Variants in DISC1 observed in about 807,000 individuals in gnomAD.
DISC1 encodes DISC1 scaffold protein.
In DISC1, 57 loss-of-function variants were observed where a neutral mutation model predicts 84.5. That is an observed-to-expected ratio of 0.67 (90% CI 0.55 to 0.84). The LOEUF is 0.84. Ranked by LOEUF, DISC1 falls within the 40% of genes least tolerant of loss-of-function variation. The pLI is 0.00. For missense variants in DISC1, 1,000 were observed against 1,057.8 expected (o/e 0.95, Z 0.76); for synonymous variants, 411 against 415.2 (o/e 0.99, Z 0.12).
chr1:231,883,660 C>T (rs2086456514), intron 9 of DISC1, among the ~76,000 whole-genome samples: 1 of 152,124 alleles, frequency 6.6e-6, no homozygotes, highest in Non-Finnish European at 1.5e-5. Flanking sequence ...GGTGAGGCCA[C>T]AGGCAGGGAG....
chr1:231,655,344 C>T (rs182133933), intron 1 of DISC1, among the ~76,000 whole-genome samples: 17 of 152,242 alleles, frequency 1.1e-4, no homozygotes, highest in African/African-American at 4.1e-4. Flanking sequence ...TGAGAAAGTA[C>T]AGTGTTTGGT....
At chr1:231,762,239 T>C (rs1228590442) in intron 4 of DISC1, among the ~76,000 whole-genome samples, 1,239 of 41,206 alleles carry the variant, frequency 0.03, 15 homozygotes, top group African/African-American at 0.09. Context: ...TTTTCTTTTC[T>C]TTTCTTTTCT....
At chr1:231,855,451 C>T in intron 9 of DISC1, 3 of 982,096 alleles carry the variant, frequency 3.1e-6, no homozygotes, top group Non-Finnish European at 3.6e-6. Context: ...ACTTAATTTC[C>T]ATTAAGACAA....
chr1:231,827,951 A>T (rs894128543), intron 9 of DISC1, among the ~76,000 whole-genome samples: 4 of 152,204 alleles, frequency 2.6e-5, no homozygotes, highest in Admixed American at 6.5e-5. Flanking sequence ...AAGCCTGCAT[A>T]GTCATAGAAT....
At chr1:231,961,371 T>C (rs115531727) in intron 10 of DISC1, among the ~76,000 whole-genome samples, 59 of 152,294 alleles carry the variant, frequency 3.9e-4, no homozygotes, top group South Asian at 1.0e-3. Flanking sequence ...TTTCTTTCCT[T>C]CTTTCTTTTT....
rs138228295 is a variant in DISC1, at chr1:231,694,598, C to T, written c.840C>T (p.Ala280=). 227 of 1,614,252 alleles carry T rather than the reference C, an allele frequency of 1.4e-4. No individual in the cohort carries two copies. The highest frequency in any genetic ancestry group is 1.7e-4 in the Non-Finnish European group (198 of 1,180,034). ...GGGTCTCTGCAGACTTGGCCCAGGC[C>T]GCAAGGAACAGCTCCAGGCCAGAGC... ...ATRVSADLAQ[A]ARNSSRPERD... is the part of the protein sequence containing the mutation. Residue 280 remains alanine, a synonymous_variant, in exon 2 of 13, where the codon GCC becomes GCT. Transcript: ENST00000439617.
chr1:231,789,108 C>G (rs2078117073), intron 6 of DISC1, among the ~76,000 whole-genome samples: 5 of 152,068 alleles, frequency 3.3e-5, no homozygotes, highest in Admixed American at 3.3e-4. Flanking sequence ...TGAACATGAC[C>G]TGGGGATTGG....
chr1:231,816,563 G>A (rs914688102), intron 8 of DISC1, among the ~76,000 whole-genome samples: 40 of 152,026 alleles, frequency 2.6e-4, no homozygotes, highest in African/African-American at 9.4e-4. Context: ...GTAGGCCTGT[G>A]ATCCACCTTT....
At chr1:231,964,678 C>T (rs538542455) in intron 10 of DISC1, among the ~76,000 whole-genome samples, 15 of 152,364 alleles carry the variant, frequency 9.8e-5, no homozygotes, top group Admixed American at 3.3e-4. Flanking sequence ...TGTTTTCAGA[C>T]ACTCTGTGGG....
chr1:231,721,027 T>C, intron 3 of DISC1: 1 of 1,290,912 alleles, frequency 7.7e-7, no homozygotes, highest in Non-Finnish European at 1.0e-6. Flanking sequence ...CAATGGAAAA[T>C]GGGCATGCCA....
chr1:231,714,535 G>T lies in DISC1; in HGVS notation c.1117+12511G>T, dbSNP rs537810243. ...ATATGATTCAGCAATTCTACTCACA[G>T]ATATGTATGAAACAGAGACAGAGAG... is the stretch of plus-strand genomic sequence containing the variant. On this transcript the variant is annotated intron_variant, in intron 3 of 12. Transcript: ENST00000439617. Among the ~76,000 whole-genome samples the T allele has an allele frequency of 6.6e-5, 10 of 152,072 alleles. No homozygotes were observed. The South Asian group carries it at 2.1e-3, about 32-fold the overall frequency.
At position 232,025,689 on chromosome 1, in the gene DISC1, T is replaced by C. The variant is rs374918233; in HGVS notation, c.2308-746T>C. 2.1e-3 allele frequency among the ~76,000 whole-genome samples: 320 copies of C among 151,034 alleles called. 2 individuals carry two copies. Among genetic ancestry groups the C allele is most frequent in the South Asian group, 5.0e-3 (24 of 4,766 alleles). ...TCGGCTCACTGCAAGCTCCGCCTCC[T>C]GGGTTCACGCCATTCTCCTGCCTCA... On this transcript the variant is annotated intron_variant, in intron 11 of 12. Coordinates refer to ENST00000439617, the MANE Select transcript of DISC1 (RefSeq NM_018662.3).
chr1:231,951,712 T>C (rs914206307), intron 9 of DISC1, among the ~76,000 whole-genome samples: 23 of 152,256 alleles, frequency 1.5e-4, no homozygotes, highest in African/African-American at 5.5e-4. Flanking sequence ...ACGGGCAGCG[T>C]GATATTCACC....
intron 4 of DISC1, among the ~76,000 whole-genome samples, chr1:231,762,181 CTTCTT>C (rs1558497654): frequency 3.2e-4 from 41 of 129,032 alleles, no homozygotes; most frequent in African/African-American, 1.1e-3. Context: ...CCCTTCCTTC[CTTCTT>C]TTCTTTCTTT....
At chr1:232,008,682 T>C in intron 10 of DISC1, 103 bp from the exon 11 acceptor site, 3 of 1,336,028 alleles carry the variant, frequency 2.2e-6, no homozygotes, top group Non-Finnish European at 3.0e-6. Context: ...TCATCAAGTA[T>C]AAGATGACCA....
rs1394843966 is a variant in DISC1, at chr1:232,036,757, C to T, written c.2491C>T (p.Pro831Ser). ...TLQAMILQLQ[P>S]AKEAGEREAA... ...GCAGGCCATGATCCTGCAGCTCCAG[C>T]CAGCAAAGGAGGCGGGAGAAAGAGA... Residue 831 changes from proline (P) to serine (S), a missense_variant, in exon 13 of 13, where the codon CCA becomes TCA. Coordinates refer to ENST00000439617, the MANE Select transcript of DISC1 (RefSeq NM_018662.3). The T allele has an allele frequency of 6.2e-7, 1 of 1,607,232 alleles. No individual in the cohort carries two copies. Among genetic ancestry groups the T allele is most frequent in the Non-Finnish European group, 8.5e-7 (1 of 1,175,514 alleles).
chr1:231,958,783 G>A, intron 9 of DISC1, 45 bp from the exon 10 acceptor site: 10 of 1,571,820 alleles, frequency 6.4e-6, no homozygotes, highest in Non-Finnish European at 8.7e-6. Context: ...TTATTCAATT[G>A]TGACTGCAGT....
In DISC1 at chr1:232,037,795, C is replaced by T. The variant is rs750047980; in HGVS notation, c.*964C>T. 1.3e-5 allele frequency: 2 copies of T among 151,364 alleles called. No homozygotes were observed. Among genetic ancestry groups the T allele is most frequent in the Non-Finnish European group, 2.9e-5 (2 of 68,010 alleles). The allele number at this position is 151,364 out of a possible 1,614,324, so 9.4% of individuals were successfully genotyped here. On this transcript the variant is annotated 3_prime_UTR_variant, in exon 13 of 13. Coordinates refer to ENST00000439617, the MANE Select transcript of DISC1 (RefSeq NM_018662.3). The stretch of plus-strand genomic sequence containing the variant: ...AGTAACAGTGAAGTACTCAGTAATA[C>T]AGTACAGTATTCAGTAAGGCAGTGA...
chr1:231,804,872 A>T (rs966548526), intron 8 of DISC1, among the ~76,000 whole-genome samples: 2 of 152,174 alleles, frequency 1.3e-5, no homozygotes, highest in African/African-American at 2.4e-5. Context: ...CGGAGTAGTG[A>T]CATGATTAAA....
Sources: gnomAD v4.1 joint callset for allele counts (sites outside exome capture counted in the v4.1 genomes callset) on GRCh38, gnomAD v4.1.1 for gene constraint, MANE v1.5 for transcripts, NCBI Gene and HGNC (gene_info 2026-07-23, HGNC 2026-07-21) for gene names.